KCNIP4: variants seen among roughly 807,000 people sequenced by gnomAD.
KCNIP4 encodes the protein Kv channel-interacting protein 4.
In KCNIP4, 12 loss-of-function variants were observed where a neutral mutation model predicts 34.0. The ratio of observed to expected loss-of-function variants is 0.35; its 90% CI spans 0.23 to 0.57. KCNIP4 has a LOEUF of 0.57. KCNIP4 is among the 20% of genes least tolerant of loss of function. The pLI, the probability that KCNIP4 is intolerant of heterozygous loss-of-function variation, is 0.83. For synonymous variants in KCNIP4, 124 were observed against 102.2 expected (o/e 1.21, Z -1.29); for missense variants, 238 against 311.7 (o/e 0.76, Z 1.78).
chr4:21,648,982 T>A (rs576821450), intron 1 of KCNIP4, among the ~76,000 whole-genome samples: 1 of 152,312 alleles, frequency 6.6e-6, no homozygotes, highest in East Asian at 1.9e-4. Flanking sequence ...CTAGCTCGTG[T>A]TCAGTATCGA....
chr4:21,235,114 C>T (rs1021406679), intron 1 of KCNIP4, among the ~76,000 whole-genome samples: 4 of 152,084 alleles, frequency 2.6e-5, no homozygotes, highest in Admixed American at 2.6e-4. Context: ...CGTAACTAAA[C>T]ATATTTCAGT....
intron 3 of KCNIP4, among the ~76,000 whole-genome samples, chr4:20,761,216 C>T (rs1401757357): frequency 6.6e-6 from 1 of 152,136 alleles, no homozygotes; most frequent in African/African-American, 2.4e-5. Flanking sequence ...TCTGAGGCTC[C>T]AGCTTGCCAG....
At chr4:21,627,242 C>T (rs1016505243) in intron 1 of KCNIP4, among the ~76,000 whole-genome samples, 1 of 152,168 alleles carries the variant, frequency 6.6e-6, no homozygotes, top group Non-Finnish European at 1.5e-5. Flanking sequence ...CTGCATTCTA[C>T]ACTAGGCAGT....
intron 1 of KCNIP4, among the ~76,000 whole-genome samples, chr4:21,573,474 T>A (rs1210224717): frequency 6.6e-5 from 10 of 152,268 alleles, no homozygotes; most frequent in Non-Finnish European, 1.5e-4. Context: ...GATTTCTAGT[T>A]TTACCCTTAT....
chr4:21,695,380 T>G (rs1712198836), intron 1 of KCNIP4, among the ~76,000 whole-genome samples: 2 of 152,030 alleles, frequency 1.3e-5, no homozygotes, highest in Admixed American at 1.3e-4. Context: ...TACTACTTTA[T>G]GATAATCTGT....
chr4:21,452,856 T>G (rs1728626222), intron 1 of KCNIP4, among the ~76,000 whole-genome samples: 1 of 79,262 alleles, frequency 1.3e-5, no homozygotes, highest in African/African-American at 6.8e-5. Context: ...ACCATGCAAG[T>G]TTTCAGGGTA....
At chr4:21,063,379 G>T (rs1489477847) in intron 1 of KCNIP4, among the ~76,000 whole-genome samples, 2 of 152,164 alleles carry the variant, frequency 1.3e-5, no homozygotes, top group African/African-American at 2.4e-5. Flanking sequence ...GCCATTTGGG[G>T]TTAGGGGAGT....
intron 1 of KCNIP4, among the ~76,000 whole-genome samples, chr4:21,237,715 C>A (rs1242365837): frequency 7.9e-5 from 12 of 152,062 alleles, no homozygotes; most frequent in East Asian, 1.9e-4. Context: ...CAATAACAGG[C>A]TCTGAAATTG....
At chr4:20,753,749 T>C (rs1754036789) in intron 4 of KCNIP4, among the ~76,000 whole-genome samples, 1 of 152,192 alleles carries the variant, frequency 6.6e-6, no homozygotes, top group East Asian at 1.9e-4. Flanking sequence ...TTGTTAGAAA[T>C]ACTGTCCTAG....
chr4:21,857,352 T>G (rs73256592), intron 1 of KCNIP4, among the ~76,000 whole-genome samples: 27 of 152,084 alleles, frequency 1.8e-4, no homozygotes, highest in Non-Finnish European at 3.7e-4. Flanking sequence ...AAAGGAGCTA[T>G]GCATGCCAGG....
chr4:21,349,953 A>T (rs189378170), intron 1 of KCNIP4, among the ~76,000 whole-genome samples: 1 of 152,302 alleles, frequency 6.6e-6, no homozygotes, highest in East Asian at 1.9e-4. Context: ...TTTCTCATCT[A>T]GAAAACACTC....
In KCNIP4 at chr4:21,111,361, T is replaced by C. The variant is rs111564410; in HGVS notation, c.62-228652A>G. On this transcript the variant is annotated intron_variant, in intron 1 of 8. Transcript: ENST00000382152. ...TGCACTTTACCCTTATCCTCAGACA[T>C]GGTCAAGATTCCACAGGACTAAATT... is the stretch of plus-strand genomic sequence containing the variant. Among the ~76,000 whole-genome samples the C allele has an allele frequency of 1.3e-5, 2 of 152,308 alleles. 1 individual carries two copies. Among genetic ancestry groups the C allele is most frequent in the African/African-American group, 4.8e-5 (2 of 41,564 alleles).
At chr4:21,436,096 T>C (rs985442823) in intron 1 of KCNIP4, among the ~76,000 whole-genome samples, 2 of 152,212 alleles carry the variant, frequency 1.3e-5, no homozygotes, top group African/African-American at 4.8e-5. Context: ...ACTTAAAGTG[T>C]TCACTCTCTG....
chr4:20,741,361 A>C (rs1217095099), intron 5 of KCNIP4, among the ~76,000 whole-genome samples: 1 of 152,252 alleles, frequency 6.6e-6, no homozygotes, highest in African/African-American at 2.4e-5. Context: ...CAGAAATTAT[A>C]ACAAACTGTC....
intron 1 of KCNIP4, among the ~76,000 whole-genome samples, chr4:20,980,362 G>A (rs776250047): frequency 2.2e-4 from 34 of 152,242 alleles, no homozygotes; most frequent in Non-Finnish European, 2.8e-4. Context: ...TTCTCCTTCC[G>A]CTTACTAATA....
chr4:21,043,641 G>A (rs868813689), intron 1 of KCNIP4, among the ~76,000 whole-genome samples: 48 of 151,980 alleles, frequency 3.2e-4, no homozygotes, highest in Admixed American at 2.0e-4. Flanking sequence ...ACCCAGCCCT[G>A]TATTTGTTTT....
In KCNIP4 at chr4:21,070,663, A is replaced by ATTTTTTTTTTTTTTTT; in HGVS notation, c.62-187970_62-187955dup. Among the ~76,000 whole-genome samples the ATTTTTTTTTTTTTTTT allele has an allele frequency of 4.0e-5, 2 of 49,616 alleles. 1 individual carries two copies. The highest frequency in any genetic ancestry group is 7.5e-5 in the Non-Finnish European group (2 of 26,796). The allele number at this position is 49,616 out of a possible 152,430, so 32.6% of individuals were successfully genotyped here. On this transcript the variant is annotated intron_variant, in intron 1 of 8. Transcript: ENST00000382152. ...TCTGTTTTTACTGTTGAGTTTTGAGATTTTTTTTTTTTTTTTTTTTTTTTT... is the reference window on the plus strand; with the variant it reads ...TCTGTTTTTACTGTTGAGTTTTGAGATTTTTTTTTTTTTTTTTTTTTTTTTTTTTTTTTTTTTTTTT...
chr4:21,771,088 G>A (rs1336430189), intron 1 of KCNIP4, among the ~76,000 whole-genome samples: 2 of 152,144 alleles, frequency 1.3e-5, no homozygotes, highest in African/African-American at 4.8e-5. Context: ...TTAGATTTAA[G>A]TCTTTAATCC....
intron 1 of KCNIP4, among the ~76,000 whole-genome samples, chr4:21,129,829 G>A (rs1750924066): frequency 6.6e-6 from 1 of 151,820 alleles, no homozygotes; most frequent in Admixed American, 6.6e-5. Flanking sequence ...AAAAGTTGAT[G>A]TTCTTGGGAT....
Sources: gnomAD v4.1 joint callset for allele counts (sites outside exome capture counted in the v4.1 genomes callset) on GRCh38, gnomAD v4.1.1 for gene constraint, MANE v1.5 for transcripts, NCBI Gene and HGNC (gene_info 2026-07-23, HGNC 2026-07-21) for gene names.